The following FBXO36 variants were observed in gnomAD, a reference collection of about 807,000 sequenced individuals.
FBXO36 encodes the protein F-box only protein 36.
In FBXO36, 18 loss-of-function variants were observed where a neutral mutation model predicts 17.0. The observed-to-expected ratio is 1.06, with a 90% CI of 0.73 to 1.57. The LOEUF (loss-of-function observed/expected upper bound fraction) is 1.57, where lower values mean the gene tolerates loss of function less well. Ranked by LOEUF, FBXO36 falls within the 40% of genes most tolerant of loss-of-function variation. The pLI, the probability that FBXO36 is intolerant of heterozygous loss-of-function variation, is 0.00. For missense variants in FBXO36, 229 were observed against 221.9 expected, an observed-to-expected ratio of 1.03 and a Z score of -0.20; for synonymous variants, 83 against 85.3, an observed-to-expected ratio of 0.97 and a Z score of 0.15.
intron 1 of FBXO36, among the ~76,000 whole-genome samples, chr2:229,960,652 G>A (rs1480149212): frequency 6.6e-6 from 1 of 152,132 alleles, no homozygotes; most frequent in Non-Finnish European, 1.5e-5. Flanking sequence ...CGCCATGCCT[G>A]GCTAATTTTT....
At chr2:229,932,010 A>AT (rs2076941030) in intron 1 of FBXO36, among the ~76,000 whole-genome samples, 1 of 149,808 alleles carries the variant, frequency 6.7e-6, no homozygotes. Flanking sequence ...TCCAACTCCC[A>AT]TGCTCAAGCA....
intron 2 of FBXO36, among the ~76,000 whole-genome samples, chr2:229,992,228 G>C (rs1004131743): frequency 2.0e-5 from 3 of 150,494 alleles, no homozygotes; most frequent in Non-Finnish European, 4.4e-5. Flanking sequence ...GTGCAGTCTT[G>C]GCTACGGCAC....
At chr2:229,984,423 C>T (rs1000922667) in intron 2 of FBXO36, among the ~76,000 whole-genome samples, 1 of 146,366 alleles carries the variant, frequency 6.8e-6, no homozygotes, top group African/African-American at 2.5e-5. Context: ...CGGAGTCTCG[C>T]TCTGTCGCCC....
chr2:229,981,026 G>A (rs1437237367), intron 2 of FBXO36, among the ~76,000 whole-genome samples: 1 of 152,148 alleles, frequency 6.6e-6, no homozygotes, highest in African/African-American at 2.4e-5. Context: ...GGAAGGAGGA[G>A]GGTTCATGGT....
At chr2:229,960,153 A>G (rs1461014161) in intron 1 of FBXO36, among the ~76,000 whole-genome samples, 10 of 151,744 alleles carry the variant, frequency 6.6e-5, no homozygotes. Flanking sequence ...TCTCATATCC[A>G]TCTAGAATTT....
At chr2:229,983,644 A>G (rs1309226973) in intron 2 of FBXO36, among the ~76,000 whole-genome samples, 1 of 152,186 alleles carries the variant, frequency 6.6e-6, no homozygotes. Flanking sequence ...TGTCATGTTT[A>G]TTAATTTAAA....
chr2:229,954,234 A>ATTTTTTTTT (rs60093081), intron 1 of FBXO36, among the ~76,000 whole-genome samples: 1,807 of 71,242 alleles, frequency 0.025, 503 homozygotes, highest in Middle Eastern at 0.094. Context: ...AACCCTTTGG[A>ATTTTTTTTT]TTTTTTTTTT....
chr2:229,925,544 C>G (rs2076907909), intron 1 of FBXO36, among the ~76,000 whole-genome samples: 2 of 151,998 alleles, frequency 1.3e-5, no homozygotes, highest in African/African-American at 4.8e-5. Flanking sequence ...TCCCCTTTCT[C>G]CTGTCTTTAT....
chr2:229,954,262 A>ATTTTTTTTTTTT (rs2077073203), intron 1 of FBXO36, among the ~76,000 whole-genome samples: 1 of 6,700 alleles, frequency 1.5e-4, no homozygotes, highest in South Asian at 5.0e-3. Context: ...TTTTTTTTTG[A>ATTTTTTTTTTTT]GACAGAGTCT....
intron 3 of FBXO36, among the ~76,000 whole-genome samples, chr2:230,003,707 T>G (rs2077372183): frequency 6.6e-6 from 1 of 152,158 alleles, no homozygotes; most frequent in Non-Finnish European, 1.5e-5. Context: ...TAATTTTTAG[T>G]ATTTTTAGTA....
At chr2:229,965,422 C>T (rs1435047506) in intron 1 of FBXO36, among the ~76,000 whole-genome samples, 2 of 151,072 alleles carry the variant, frequency 1.3e-5, no homozygotes, top group East Asian at 3.9e-4. Context: ...ATGTGTACAA[C>T]ATGCAGGTTT....
intron 1 of FBXO36, among the ~76,000 whole-genome samples, chr2:229,932,584 A>G (rs1451634028): frequency 6.6e-6 from 1 of 152,222 alleles, no homozygotes; most frequent in East Asian, 1.9e-4. Context: ...AGGCTGAAGC[A>G]GGAGAATCGC....
At chr2:229,949,293 CCCACCT>C (rs1267623610) in intron 1 of FBXO36, among the ~76,000 whole-genome samples, 5 of 152,124 alleles carry the variant, frequency 3.3e-5, no homozygotes, top group African/African-American at 1.2e-4. Context: ...ATTCTGGCAT[CCCACCT>C]CAGGGAATTT....
At chr2:229,953,256 T>C (rs1421604890) in intron 1 of FBXO36, among the ~76,000 whole-genome samples, 1 of 152,066 alleles carries the variant, frequency 6.6e-6, no homozygotes, top group Non-Finnish European at 1.5e-5. Context: ...GGAGAATTGC[T>C]TGAACCCGGG....
At chr2:229,938,776 C>G (rs1163838476) in intron 1 of FBXO36, among the ~76,000 whole-genome samples, 1 of 102,706 alleles carries the variant, frequency 9.7e-6, no homozygotes, top group Non-Finnish European at 2.0e-5. Flanking sequence ...TTTTTTCCCC[C>G]GAGGCAGAGT....
In FBXO36 at chr2:229,964,082, T is replaced by A. The variant is rs552179623; in HGVS notation, c.97-12159T>A. Among the ~76,000 whole-genome samples the A allele has an allele frequency of 1.6e-3, 251 of 152,290 alleles. 1 individual carries two copies. The highest frequency in any genetic ancestry group is 7.5e-3 in the South Asian group (36 of 4,824). On this transcript the variant is annotated intron_variant, in intron 1 of 3. Coordinates refer to ENST00000283946, the MANE Select transcript of FBXO36 (RefSeq NM_174899.5). ...TTCCCTGTGAACTATTTGTTGATAT[T>A]TTTCTCTCTTTATACAAACTCTTTA...
At chr2:229,989,004 C>T (rs1314092665) in intron 2 of FBXO36, among the ~76,000 whole-genome samples, 1 of 151,722 alleles carries the variant, frequency 6.6e-6, no homozygotes, top group African/African-American at 2.4e-5. Context: ...GGGTTGTTTC[C>T]AATCTTTTCG....
At chr2:229,962,781 G>A (rs550266235) in intron 1 of FBXO36, among the ~76,000 whole-genome samples, 2 of 151,566 alleles carry the variant, frequency 1.3e-5, no homozygotes, top group African/African-American at 2.4e-5. Context: ...GGGTTCAAGC[G>A]ATTCTCCTGC....
intron 3 of FBXO36, among the ~76,000 whole-genome samples, chr2:229,999,736 G>A (rs2077348368): frequency 1.3e-5 from 2 of 151,750 alleles, no homozygotes; most frequent in African/African-American, 4.8e-5. Flanking sequence ...AGGCATACAT[G>A]TGAAGGTTTG....
Sources: allele counts gnomAD v4.1 joint callset (sites outside exome capture counted in the v4.1 genomes callset), GRCh38; gene constraint gnomAD v4.1.1; transcripts MANE v1.5; gene names NCBI Gene and HGNC (gene_info 2026-07-23, HGNC 2026-07-21).